SLC25A21: variants seen among roughly 807,000 people sequenced by gnomAD.
The protein encoded by SLC25A21 is mitochondrial 2-oxodicarboxylate carrier.
In SLC25A21, 47 loss-of-function variants were observed where a neutral mutation model predicts 43.8. The observed-to-expected ratio is 1.07, with a 90% CI of 0.85 to 1.37. SLC25A21 has a LOEUF of 1.37. SLC25A21 is among the 40% of genes most tolerant of loss of function. SLC25A21 has a pLI of 0.00. For missense variants in SLC25A21, 352 were observed against 350.2 expected (o/e 1.00, Z -0.04); for synonymous variants, 131 against 121.3 (o/e 1.08, Z -0.52).
intron 3 of SLC25A21, among the ~76,000 whole-genome samples, chr14:36,773,277 G>A (rs1461572515): frequency 6.6e-6 from 1 of 151,950 alleles, no homozygotes; most frequent in African/African-American, 2.4e-5. Context: ...AGTCAGACCC[G>A]TCAGACTCTG....
chr14:36,750,204 G>A (rs115871476), intron 3 of SLC25A21, among the ~76,000 whole-genome samples: 4 of 152,130 alleles, frequency 2.6e-5, no homozygotes, highest in Non-Finnish European at 5.9e-5. Context: ...CCTACCAAAT[G>A]TCCATTTTTT....
chr14:36,781,070 G>T (rs2764957), intron 3 of SLC25A21, among the ~76,000 whole-genome samples: 24,089 of 152,038 alleles, frequency 0.16, 2,187 homozygotes, highest in Middle Eastern at 0.25. Context: ...TTTATTATTA[G>T]ATATAATGAC....
chr14:37,107,693 C>A (rs539418825), intron 1 of SLC25A21, among the ~76,000 whole-genome samples: 1 of 152,212 alleles, frequency 6.6e-6, no homozygotes, highest in South Asian at 2.1e-4. Context: ...GAAAAAGAAA[C>A]TGAAGCACAG....
intron 1 of SLC25A21, among the ~76,000 whole-genome samples, chr14:36,886,943 A>G (rs1181296309): frequency 6.6e-6 from 1 of 152,184 alleles, no homozygotes; most frequent in Non-Finnish European, 1.5e-5. Flanking sequence ...GCTTACTGCT[A>G]TATGTGGGCT....
chr14:36,896,212 A>G (rs1169763239), intron 1 of SLC25A21, among the ~76,000 whole-genome samples: 1 of 152,092 alleles, frequency 6.6e-6, no homozygotes, highest in African/African-American at 2.4e-5. Flanking sequence ...TGCTTTATGA[A>G]TCTGGGTGCT....
intron 1 of SLC25A21, among the ~76,000 whole-genome samples, chr14:37,147,641 T>C (rs1036883197): frequency 7.6e-6 from 1 of 131,152 alleles, no homozygotes; most frequent in African/African-American, 3.1e-5. Flanking sequence ...CAGGTTTTTT[T>C]TTTTTTTTAA....
chr14:36,793,313 TAAAC>T (rs1887556844), intron 3 of SLC25A21, among the ~76,000 whole-genome samples: 1 of 152,120 alleles, frequency 6.6e-6, no homozygotes, highest in Non-Finnish European at 1.5e-5. Context: ...AAGAAATAGA[TAAAC>T]AAATTGTTTT....
chr14:36,706,488 C>G (rs938929472), intron 7 of SLC25A21, among the ~76,000 whole-genome samples: 1 of 152,120 alleles, frequency 6.6e-6, no homozygotes, highest in Non-Finnish European at 1.5e-5. Flanking sequence ...TTTTTCCTCA[C>G]AAGCCACAGG....
chr14:36,731,143 T>G (rs892078292), intron 4 of SLC25A21, among the ~76,000 whole-genome samples: 1 of 152,102 alleles, frequency 6.6e-6, no homozygotes, highest in African/African-American at 2.4e-5. Context: ...CGGCTAATTT[T>G]TTTGTATTTT....
intron 1 of SLC25A21, among the ~76,000 whole-genome samples, chr14:36,980,000 A>G (rs1194346992): frequency 6.6e-6 from 1 of 152,224 alleles, no homozygotes; most frequent in African/African-American, 2.4e-5. Context: ...GACCTAGTCC[A>G]GTGCTTCAAT....
At chr14:36,773,930 A>G (rs1271373275) in intron 3 of SLC25A21, among the ~76,000 whole-genome samples, 1 of 152,212 alleles carries the variant, frequency 6.6e-6, no homozygotes, top group African/African-American at 2.4e-5. Flanking sequence ...TGCTTTTTGT[A>G]ATGAATACAC....
At chr14:37,036,975 G>A (rs1961340355) in intron 1 of SLC25A21, among the ~76,000 whole-genome samples, 1 of 152,152 alleles carries the variant, frequency 6.6e-6, no homozygotes, top group Admixed American at 6.5e-5. Context: ...TGGGTTACAG[G>A]TGGCCTGGAA....
In SLC25A21 at chr14:36,941,341, A is replaced by G. The variant is rs532355348; in HGVS notation, c.71-66337T>C. On this transcript the variant is annotated intron_variant, in intron 1 of 9. Transcript: ENST00000331299. ...ATTTTCAAAGATTATGCTGCACAAAATTGTATAGAGAGTATTTTGACTTAC... is the reference window on the plus strand; with the variant it reads ...ATTTTCAAAGATTATGCTGCACAAAGTTGTATAGAGAGTATTTTGACTTAC... 2.6e-5 allele frequency among the ~76,000 whole-genome samples: 4 copies of G among 152,266 alleles called. No homozygotes were observed. The South Asian group carries it at 8.3e-4, about 32-fold the overall frequency.
chr14:36,983,800 T>C (rs1264959110), intron 1 of SLC25A21, among the ~76,000 whole-genome samples: 2 of 152,134 alleles, frequency 1.3e-5, no homozygotes, highest in Non-Finnish European at 2.9e-5. Context: ...AACGGAATAC[T>C]AGGCAGCCCT....
At chr14:36,927,832 G>T (rs1892172114) in intron 1 of SLC25A21, among the ~76,000 whole-genome samples, 1 of 152,138 alleles carries the variant, frequency 6.6e-6, no homozygotes, top group African/African-American at 2.4e-5. Flanking sequence ...TATCTGCTCT[G>T]TGGATTCTGG....
intron 1 of SLC25A21, among the ~76,000 whole-genome samples, chr14:36,926,014 G>T (rs1892121662): frequency 6.6e-6 from 1 of 152,018 alleles, no homozygotes; most frequent in Non-Finnish European, 1.5e-5. Context: ...TGACCATATT[G>T]GCATGTATAA....
In SLC25A21 at chr14:36,950,392, T is replaced by C. The variant is rs1892779664; in HGVS notation, c.71-75388A>G. 2.0e-5 allele frequency among the ~76,000 whole-genome samples: 3 copies of C among 152,120 alleles called. No individual in the cohort carries two copies. The South Asian group carries it at 6.2e-4, about 32-fold the overall frequency. On this transcript the variant is annotated intron_variant, in intron 1 of 9. Transcript: ENST00000331299. Reference sequence around the variant, plus strand: ...AAGGACCTTCATCCAATAGGACTAATATCTTTATAAGAAGAGGAAGAAATA... The same window carrying C: ...AAGGACCTTCATCCAATAGGACTAACATCTTTATAAGAAGAGGAAGAAATA...
intron 3 of SLC25A21, among the ~76,000 whole-genome samples, chr14:36,739,355 C>T (rs1023473036): frequency 6.6e-6 from 1 of 152,022 alleles, no homozygotes; most frequent in African/African-American, 2.4e-5. Flanking sequence ...AAACTTTTTC[C>T]TCCCCAAGAT....
chr14:37,070,482 T>C (rs1215472907), intron 1 of SLC25A21, among the ~76,000 whole-genome samples: 1 of 152,220 alleles, frequency 6.6e-6, no homozygotes, highest in Non-Finnish European at 1.5e-5. Context: ...TATGATATTA[T>C]AAATTTTATT....
Sources: gnomAD v4.1 joint callset for allele counts (sites outside exome capture counted in the v4.1 genomes callset) on GRCh38, gnomAD v4.1.1 for gene constraint, MANE v1.5 for transcripts, NCBI Gene and HGNC (gene_info 2026-07-23, HGNC 2026-07-21) for gene names.